NEK3: variants seen among roughly 807,000 people sequenced by gnomAD.
The protein encoded by NEK3 is NIMA related kinase 3.
In NEK3, 54 loss-of-function variants were observed where a neutral mutation model predicts 66.0. That is an observed-to-expected ratio of 0.82 (90% CI 0.66 to 1.03). NEK3 has a LOEUF of 1.03. Among genes scored for constraint, NEK3 ranks in the 50% least tolerant of loss-of-function variants. NEK3 has a pLI of 0.00. For synonymous variants in NEK3, 200 were observed against 206.2 expected (o/e 0.97, Z 0.26); for missense variants, 593 against 603.0 (o/e 0.98, Z 0.17).
chr13:52,152,650 T>C lies in NEK3; in HGVS notation c.352A>G (p.Ile118Val), dbSNP rs749659112. ...FTQMCLGVNH[I>V]HKKRVLHRDI... ...CTGTGTAGCACACGTTTCTTGTGAA[T>C]GTGATTTACTCCAAGGCACATTTGG... The change falls in exon 5 of 16, where the codon ATT becomes GTT. Residue 118 changes from isoleucine to valine, a missense_variant. By Grantham distance (29) the Ile-to-Val change is conservative. Transcript: ENST00000610828. 2 of 1,611,648 alleles carry C rather than the reference T, an allele frequency of 1.2e-6. No individual in the cohort carries two copies. Among genetic ancestry groups the C allele is most frequent in the East Asian group, 2.2e-5 (1 of 44,706 alleles).
intron 10 of NEK3, 118 bp from the exon 11 acceptor site, chr13:52,141,187 CCAAA>C: frequency 1.3e-6 from 1 of 780,276 alleles, no homozygotes; most frequent in Non-Finnish European, 2.0e-6. Flanking sequence ...AGTCAAAGAG[CCAAA>C]GCTCTCTGAT....
At chr13:52,158,550 A>C (rs1956414805) in intron 1 of NEK3, among the ~76,000 whole-genome samples, 1 of 152,160 alleles carries the variant, frequency 6.6e-6, no homozygotes, top group Admixed American at 6.5e-5. Flanking sequence ...ATGGAGAGTA[A>C]CTGAAAATTA....
Position 52,136,179 on chromosome 13 carries a change from C to A in NEK3, c.1111G>T (p.Ala371Ser), listed in dbSNP as rs1386963306. The change falls in exon 13 of 16, where the codon GCT becomes TCT. Residue 371 changes from alanine (A) to serine (S), a missense_variant. Ala to Ser is a moderately conservative substitution (Grantham distance 99). Coordinates refer to ENST00000610828, the MANE Select transcript of NEK3 (RefSeq NM_002498.3). ...GATGCATTTTCCAAAGCTGTAAGAG[C>A]TGTATTGGGTACATTTTTCTCCCAC... ...RQWEKNVPNTALTALENASIL... is the reference protein window; with the variant it reads ...RQWEKNVPNTSLTALENASIL... 1 of 1,613,772 alleles carries A rather than the reference C, an allele frequency of 6.2e-7. No individual in the cohort carries two copies. The highest frequency in any genetic ancestry group is 8.5e-7 in the Non-Finnish European group (1 of 1,179,726).
At chr13:52,143,815 G>A (rs979595243) in intron 10 of NEK3, 100 bp downstream of exon 10, 11 of 686,054 alleles carry the variant, frequency 1.6e-5, no homozygotes, top group East Asian at 1.2e-4. Context: ...GAGTATCTCC[G>A]ATAATCATTT....
chr13:52,157,138 G>A (rs1309842587), intron 1 of NEK3: 1 of 152,192 alleles, frequency 6.6e-6, no homozygotes, highest in African/African-American at 2.4e-5. Context: ...ACAAGCTGCT[G>A]AAGCATTTTA....
At chr13:52,138,334 A>G (rs956395513) in intron 11 of NEK3, among the ~76,000 whole-genome samples, 4 of 152,218 alleles carry the variant, frequency 2.6e-5, no homozygotes, top group African/African-American at 9.6e-5. Flanking sequence ...GAAGTTCTAT[A>G]TGATGACTGT....
At position 52,152,589 on chromosome 13, in the gene NEK3, C is replaced by A; in HGVS notation, c.393+20G>T. ...ATTAAGGACTTTTTTTTTTTAAGTCCAAAAATGTACTCCACTCACCTTGGA... is the reference window on the plus strand; with the variant it reads ...ATTAAGGACTTTTTTTTTTTAAGTCAAAAAATGTACTCCACTCACCTTGGA... On this transcript the variant is annotated intron_variant, in intron 5 of 15. Coordinates refer to ENST00000610828, the MANE Select transcript of NEK3 (RefSeq NM_002498.3). 3.3e-6 allele frequency: 5 copies of A among 1,522,886 alleles called. No homozygotes were observed. The highest frequency in any genetic ancestry group is 3.6e-6 in the Non-Finnish European group (4 of 1,123,686). 94.3% of individuals were successfully genotyped at this position (1,522,886 alleles called of 1,614,324 possible).
intron 8 of NEK3, among the ~76,000 whole-genome samples, chr13:52,147,664 C>T (rs536960899): frequency 6.6e-6 from 1 of 152,118 alleles, no homozygotes; most frequent in East Asian, 1.9e-4. Context: ...GGGGTGATGA[C>T]AAAAGTTTTA....
chr13:52,147,098 A>G (rs1467908415), intron 8 of NEK3, among the ~76,000 whole-genome samples: 2 of 152,208 alleles, frequency 1.3e-5, no homozygotes, highest in Non-Finnish European at 2.9e-5. Context: ...GAAAAAACAC[A>G]TTATAGGGCA....
At chr13:52,134,514 GGAA>G (rs1956186269) in intron 14 of NEK3, among the ~76,000 whole-genome samples, 1 of 152,098 alleles carries the variant, frequency 6.6e-6, no homozygotes, top group Non-Finnish European at 1.5e-5. Flanking sequence ...GGGAACTGAA[GGAA>G]GACCACATGC....
chr13:52,133,979 A>G (rs1368573858), intron 14 of NEK3, 164 bp from the exon 15 acceptor site: 5 of 645,784 alleles, frequency 7.7e-6, no homozygotes, highest in Non-Finnish European at 1.3e-5. Context: ...GTAGGCATAA[A>G]ACAGGCCCCT....
intron 2 of NEK3, among the ~76,000 whole-genome samples, chr13:52,154,520 A>G (rs1956375181): frequency 6.6e-6 from 1 of 151,918 alleles, no homozygotes; most frequent in Admixed American, 6.6e-5. Flanking sequence ...TGTGATGTAG[A>G]AAAAAAGAAA....
Position 52,135,776 on chromosome 13 carries a change from T to G in NEK3, c.1262A>C (p.Asn421Thr). 8.1e-6 allele frequency: 13 copies of G among 1,613,728 alleles called. No individual in the cohort carries two copies. Among genetic ancestry groups the G allele is most frequent in the Non-Finnish European group, 1.1e-5 (13 of 1,179,686 alleles). Reference protein sequence around the residue: ...TPDTLLNILKNADLSLAFQTY... With the variant: ...TPDTLLNILKTADLSLAFQTY... ...TTGAAAAGCCAAGCTGAGATCAGCA[T>G]TCTTAAGGATGTTCAACAAAGTGTC... The change falls in exon 14 of 16, where the codon AAT becomes ACT. Residue 421 changes from asparagine (N) to threonine (T), a missense_variant. Transcript: ENST00000610828.
intron 8 of NEK3, 119 bp downstream of exon 8, chr13:52,148,296 T>A: frequency 1.1e-6 from 1 of 918,232 alleles, no homozygotes. Context: ...TGGAAACATA[T>A]ACAAACTTTT....
Position 52,132,964 on chromosome 13 carries a change from A to AG in NEK3, c.*177dup, listed in dbSNP as rs553646724. On this transcript the variant is annotated 3_prime_UTR_variant, in exon 16 of 16. Coordinates refer to ENST00000610828, the MANE Select transcript of NEK3 (RefSeq NM_002498.3). ...TCCCTTGAGTTCAAAAACTTACAGG[A>AG]GTTCTAGACTTTTCAAACTCACGAT... is the stretch of plus-strand genomic sequence containing the variant. 2 of 581,480 alleles carry AG rather than the reference A, an allele frequency of 3.4e-6. No homozygotes were observed. Among genetic ancestry groups the AG allele is most frequent in the Non-Finnish European group, 6.1e-6 (2 of 328,140 alleles). The allele number at this position is 581,480 out of a possible 1,614,324, so 36.0% of individuals were successfully genotyped here. A position where few individuals can be genotyped will look rare whatever the true frequency, so the allele number is the denominator to read the frequency against.
chr13:52,135,886 T>A, intron 13 of NEK3, 23 bp from the exon 14 acceptor site: 1 of 1,600,728 alleles, frequency 6.2e-7, no homozygotes, highest in Non-Finnish European at 8.5e-7. Flanking sequence ...AGACAAAAAT[T>A]AGTGCTGAAT....
rs116185795 is a variant in NEK3 at position 52,148,336 on chromosome 13, G to C, written c.603+79C>G. The C allele has an allele frequency of 1.6e-3, 2,235 of 1,365,266 alleles. 23 individuals carry two copies. The African/African-American group carries it at 0.028, about 17-fold the overall frequency. 84.6% of individuals were successfully genotyped at this position (1,365,266 alleles called of 1,614,324 possible). On this transcript the variant is annotated intron_variant, in intron 8 of 15. Transcript: ENST00000610828. The stretch of plus-strand genomic sequence containing the variant: ...TGACTTCATCCTAGGGAAGCAAACT[G>C]CCAACTAGAATCTGTCACATTATTA...
Position 52,153,951 on chromosome 13 carries a change from CTCCATCACAGTAT to C in NEK3, c.240_252del (p.Tyr81GlyfsTer3), listed in dbSNP as rs1168887029. On this transcript the variant is annotated frameshift_variant, in exon 4 of 16. Coordinates refer to ENST00000610828, the MANE Select transcript of NEK3 (RefSeq NM_002498.3). LOFTEE classifies it high-confidence loss of function. Reference sequence around the variant, plus strand: ...TGTTTAATCTTTTGCATTAGATCCCCTCCATCACAGTATTCCATCACAATATACAAGTGTCCTT... The same window carrying C: ...TGTTTAATCTTTTGCATTAGATCCCCTCCATCACAATATACAAGTGTCCTT... 2 of 1,613,050 alleles carry C rather than the reference CTCCATCACAGTAT, an allele frequency of 1.2e-6. No homozygotes were observed. Among genetic ancestry groups the C allele is most frequent in the Admixed American group, 1.7e-5 (1 of 60,010 alleles).
In NEK3 at chr13:52,136,803, T is replaced by C; in HGVS notation, c.1027A>G (p.Lys343Glu). The change falls in exon 12 of 16, where the codon AAA becomes GAA. Residue 343 changes from lysine to glutamate, a missense_variant. Transcript: ENST00000610828. Reference protein sequence around the residue: ...SALRRVNREEKGNKSVHLRKA... With the variant: ...SALRRVNREEEGNKSVHLRKA... Reference sequence around the variant, plus strand: ...GATTAGAATTTGAATAACTTACCTTTTTCTTCTCTGTTTACTCTTCTCAAT... The same window carrying C: ...GATTAGAATTTGAATAACTTACCTTCTTCTTCTCTGTTTACTCTTCTCAAT... 6.5e-7 allele frequency: 1 copy of C among 1,546,360 alleles called. No individual in the cohort carries two copies. Among genetic ancestry groups the C allele is most frequent in the Non-Finnish European group, 8.8e-7 (1 of 1,142,382 alleles).
Sources: gnomAD v4.1 joint callset for allele counts (sites outside exome capture counted in the v4.1 genomes callset) on GRCh38, gnomAD v4.1.1 for gene constraint, MANE v1.5 for transcripts, NCBI Gene and HGNC (gene_info 2026-07-23, HGNC 2026-07-21) for gene names.